Variants in PPM1E observed in about 807,000 individuals in gnomAD.
PPM1E encodes protein phosphatase, Mg2+/Mn2+ dependent 1E, also known as protein phosphatase 1E.
PPM1E carries 20 observed loss-of-function variants against 65.9 expected under a neutral mutation model. That is an observed-to-expected ratio of 0.30 (90% CI 0.21 to 0.44). The LOEUF is 0.44. PPM1E is among the 20% of genes least tolerant of loss of function. The pLI is 1.00. For synonymous variants in PPM1E, 352 were observed against 374.9 expected, an observed-to-expected ratio of 0.94 and a Z score of 0.70; for missense variants, 713 against 953.1, an observed-to-expected ratio of 0.75 and a Z score of 3.32.
Position 58,794,024 on chromosome 17 carries a change from C to T in PPM1E, c.464+37563C>T, listed in dbSNP as rs142365280. Among the ~76,000 whole-genome samples, 794 of 152,104 alleles carry T rather than the reference C, an allele frequency of 5.2e-3. 2 individuals carry two copies. Among genetic ancestry groups the T allele is most frequent in the Middle Eastern group, 0.01 (3 of 294 alleles). On this transcript the variant is annotated intron_variant, in intron 1 of 6. Transcript: ENST00000308249. Reference sequence around the variant, plus strand: ...GTGGCCTGATCTCAGCTCACTACAACCTCCGCGTCCTGGGTTCAAGCAATT... The same window carrying T: ...GTGGCCTGATCTCAGCTCACTACAATCTCCGCGTCCTGGGTTCAAGCAATT...
intron 1 of PPM1E, among the ~76,000 whole-genome samples, chr17:58,829,219 T>A (rs984706161): frequency 6.6e-6 from 1 of 152,056 alleles, no homozygotes; most frequent in African/African-American, 2.4e-5. Flanking sequence ...ATTTTGTATA[T>A]TCAGTAGAGA....
chr17:58,869,640 A>G (rs2051047680), intron 1 of PPM1E, among the ~76,000 whole-genome samples: 1 of 152,202 alleles, frequency 6.6e-6, no homozygotes, highest in Non-Finnish European at 1.5e-5. Context: ...TGTGAACCAA[A>G]TAAACCTCTT....
intron 1 of PPM1E, among the ~76,000 whole-genome samples, chr17:58,854,976 A>G (rs926727432): frequency 2.6e-5 from 4 of 152,208 alleles, no homozygotes; most frequent in Non-Finnish European, 5.9e-5. Flanking sequence ...CTCTGCAGGT[A>G]CCAGTATCAG....
At chr17:58,887,464 G>T (rs1188659611) in intron 1 of PPM1E, among the ~76,000 whole-genome samples, 2 of 152,122 alleles carry the variant, frequency 1.3e-5, no homozygotes, top group Non-Finnish European at 2.9e-5. Context: ...ACTGCACCTG[G>T]CCCCGATTTT....
chr17:58,858,562 C>T (rs774902850), intron 1 of PPM1E, among the ~76,000 whole-genome samples: 17 of 151,510 alleles, frequency 1.1e-4, no homozygotes, highest in Non-Finnish European at 2.2e-4. Flanking sequence ...TGAGTATATG[C>T]GGTGTTTAAC....
intron 1 of PPM1E, among the ~76,000 whole-genome samples, chr17:58,805,961 C>CAAAAAAAAAAAAAAAAAAA (rs71367632): frequency 2.9e-5 from 2 of 69,828 alleles, no homozygotes; most frequent in East Asian, 3.8e-4. Context: ...AAAAAAAAAA[C>CAAAAAAAAAAAAAAAAAAA]AAAAAAAAAA....
At chr17:58,820,224 A>G (rs972343849) in intron 1 of PPM1E, among the ~76,000 whole-genome samples, 8 of 152,034 alleles carry the variant, frequency 5.3e-5, no homozygotes, top group African/African-American at 1.7e-4. Flanking sequence ...TGGACATGAG[A>G]TTTGGGTGGG....
At chr17:58,764,608 T>G (rs2049855454) in intron 1 of PPM1E, among the ~76,000 whole-genome samples, 1 of 151,918 alleles carries the variant, frequency 6.6e-6, no homozygotes, top group African/African-American at 2.4e-5. Context: ...GCTAGTTTCT[T>G]CTCTTTTGGT....
chr17:58,868,680 C>T (rs1157618283), intron 1 of PPM1E, among the ~76,000 whole-genome samples: 1 of 150,714 alleles, frequency 6.6e-6, no homozygotes, highest in Non-Finnish European at 1.5e-5. Context: ...ATTGTAAACT[C>T]ATAACCTTAT....
intron 1 of PPM1E, among the ~76,000 whole-genome samples, chr17:58,797,091 G>A (rs1188858385): frequency 6.6e-6 from 1 of 152,130 alleles, no homozygotes; most frequent in Admixed American, 6.5e-5. Context: ...CTGGACAGGA[G>A]CGAAACTCCA....
intron 1 of PPM1E, among the ~76,000 whole-genome samples, chr17:58,901,133 T>A (rs1226481942): frequency 6.6e-6 from 1 of 152,196 alleles, no homozygotes; most frequent in Non-Finnish European, 1.5e-5. Context: ...ATGCATGTAT[T>A]TTCCTGCGGT....
chr17:58,846,847 A>G lies in PPM1E; in HGVS notation c.464+90386A>G, dbSNP rs541806163. The stretch of plus-strand genomic sequence containing the variant: ...TCTAGATCCTTGAGGAATCATCACA[A>G]TGTCTTCCACAATGGTTGAACTAGT... On this transcript the variant is annotated intron_variant, in intron 1 of 6. Transcript: ENST00000308249. Among the ~76,000 whole-genome samples the G allele has an allele frequency of 2.0e-3, 309 of 152,276 alleles. 4 individuals carry two copies. The highest frequency in any genetic ancestry group is 0.016 in the Admixed American group (243 of 15,282).
chr17:58,832,807 G>GCTTTTT (rs2050618030), intron 1 of PPM1E, among the ~76,000 whole-genome samples: 1 of 84,698 alleles, frequency 1.2e-5, no homozygotes, highest in African/African-American at 5.2e-5. Flanking sequence ...GATTTCACCA[G>GCTTTTT]GTTTTTGTTT....
At chr17:58,866,186 T>C (rs1279480216) in intron 1 of PPM1E, among the ~76,000 whole-genome samples, 1 of 152,196 alleles carries the variant, frequency 6.6e-6, no homozygotes, top group Non-Finnish European at 1.5e-5. Context: ...CTTGATTAGA[T>C]TACTAACTTC....
chr17:58,760,755 A>T (rs2049813848), intron 1 of PPM1E, among the ~76,000 whole-genome samples: 1 of 152,162 alleles, frequency 6.6e-6, no homozygotes, highest in Non-Finnish European at 1.5e-5. Flanking sequence ...GCAAAACCTC[A>T]CTTCTAACAT....
chr17:58,971,477 C>T (rs997851796), intron 4 of PPM1E, among the ~76,000 whole-genome samples: 9 of 152,190 alleles, frequency 5.9e-5, no homozygotes, highest in Non-Finnish European at 1.0e-4. Flanking sequence ...GTCGTAGCTA[C>T]TGCAGTGAAA....
chr17:58,917,562 T>C (rs1304368997), intron 1 of PPM1E, among the ~76,000 whole-genome samples: 1 of 152,212 alleles, frequency 6.6e-6, no homozygotes, highest in Non-Finnish European at 1.5e-5. Flanking sequence ...GCAATCAAAT[T>C]CACTCAGCTT....
rs368755164 is a variant in PPM1E at position 58,982,946 on chromosome 17, A to T, written c.*1915A>T. 2 of 1,568,828 alleles carry T rather than the reference A, an allele frequency of 1.3e-6. No individual in the cohort carries two copies. The highest frequency in any genetic ancestry group is 1.7e-6 in the Non-Finnish European group (2 of 1,154,960). On this transcript the variant is annotated 3_prime_UTR_variant, in exon 7 of 7. Coordinates refer to ENST00000308249, the MANE Select transcript of PPM1E (RefSeq NM_014906.5). ...TCTAAGAAAACAAGAAAACAAAGGC[A>T]GCAGACTATTGGTACACATTATAGT...
At chr17:58,967,341 G>A (rs1292676064) in intron 3 of PPM1E, among the ~76,000 whole-genome samples, 1 of 152,056 alleles carries the variant, frequency 6.6e-6, no homozygotes, top group Non-Finnish European at 1.5e-5. Flanking sequence ...GAAAGGGAAT[G>A]ATAACTATGA....
Sources: allele counts gnomAD v4.1 joint callset (sites outside exome capture counted in the v4.1 genomes callset), GRCh38; gene constraint gnomAD v4.1.1; transcripts MANE v1.5; gene names NCBI Gene and HGNC (gene_info 2026-07-23, HGNC 2026-07-21).